Variants in DDX46 observed in about 807,000 individuals in gnomAD.
The protein encoded by DDX46 is probable ATP-dependent RNA helicase DDX46.
A neutral mutation model predicts 134.9 loss-of-function variants in DDX46; 30 were observed. That is an observed-to-expected ratio of 0.22 (90% CI 0.17 to 0.30). The LOEUF is 0.30. Among genes scored for constraint, DDX46 ranks in the 10% least tolerant of loss-of-function variants. DDX46 has a pLI of 1.00. For synonymous variants in DDX46, 415 were observed against 404.1 expected (o/e 1.03, Z -0.32); for missense variants, 622 against 1,248.7 (o/e 0.50, Z 7.56).
At chr5:134,771,052 C>CT in intron 4 of DDX46, 53 bp downstream of exon 4, 3 of 705,154 alleles carry the variant, frequency 4.3e-6, no homozygotes, top group Admixed American at 3.1e-5. Context: ...GTCTTTCTTT[C>CT]TTTCTTTTCT....
intron 16 of DDX46, among the ~76,000 whole-genome samples, chr5:134,809,916 G>A (rs1317877522): frequency 6.6e-6 from 1 of 152,132 alleles, no homozygotes; most frequent in Non-Finnish European, 1.5e-5. Context: ...GGGAGGCTGA[G>A]GCAGGAGAAT....
chr5:134,785,562 C>T lies in DDX46; in HGVS notation c.1440C>T (p.Tyr480=), dbSNP rs141820419. The change falls in exon 11 of 23, where the codon TAC becomes TAT. Residue 480 remains tyrosine, a synonymous_variant. Coordinates refer to ENST00000452510, the MANE Select transcript of DDX46 (RefSeq NM_001300860.2). ...KTLGLRVVCV[Y]GGTGISEQIA... is the part of the protein sequence containing the mutation. ...TGGGACTTAGAGTGGTCTGTGTTTACGGAGGAACAGGAATCAGTGAGCAGG... is the reference window on the plus strand; with the variant it reads ...TGGGACTTAGAGTGGTCTGTGTTTATGGAGGAACAGGAATCAGTGAGCAGG... 9.4e-5 allele frequency: 151 copies of T among 1,611,250 alleles called. No individual in the cohort carries two copies. The highest frequency in any genetic ancestry group is 2.0e-5 in the Non-Finnish European group (23 of 1,178,766).
chr5:134,765,321 G>T (rs1455338537), intron 2 of DDX46, among the ~76,000 whole-genome samples: 3 of 149,216 alleles, frequency 2.0e-5, no homozygotes, highest in Non-Finnish European at 4.4e-5. Flanking sequence ...CAAGGTGGGT[G>T]AATCACGAGG....
intron 1 of DDX46, 141 bp from the exon 2 acceptor site, chr5:134,763,763 C>T: frequency 6.1e-6 from 6 of 982,336 alleles, no homozygotes; most frequent in African/African-American, 3.3e-5. Flanking sequence ...TTCATTTTTT[C>T]CCTCCTAATT....
intron 11 of DDX46, among the ~76,000 whole-genome samples, chr5:134,787,866 G>C (rs1056214817): frequency 6.7e-6 from 1 of 150,084 alleles, no homozygotes; most frequent in East Asian, 2.0e-4. Context: ...ATAAATTAGC[G>C]AGTGCCTGTA....
At chr5:134,785,317 C>G (rs1185572216) in intron 10 of DDX46, 148 bp from the exon 11 acceptor site, 1 of 929,462 alleles carries the variant, frequency 1.1e-6, no homozygotes, top group African/African-American at 1.7e-5. Flanking sequence ...TGCTGTTATA[C>G]AACTTTTGAA....
chr5:134,772,333 C>T (rs188228610), intron 4 of DDX46, among the ~76,000 whole-genome samples: 139 of 152,148 alleles, frequency 9.1e-4, no homozygotes, highest in African/African-American at 3.3e-3. Context: ...ATCATCTTGG[C>T]CACCATGGTG....
Position 134,796,073 on chromosome 5 carries a change from T to C in DDX46, c.1877T>C (p.Val626Ala). 3.1e-6 allele frequency: 5 copies of C among 1,613,926 alleles called. No individual in the cohort carries two copies. The highest frequency in any genetic ancestry group is 4.2e-6 in the Non-Finnish European group (5 of 1,179,952). Reference protein sequence around the residue: ...YQESGSVIIFVDKQEHADGLL... With the variant: ...YQESGSVIIFADKQEHADGLL... ...GAGTCAGGATCTGTCATTATATTTG[T>C]GGATAAGCAGGAACATGCTGATGGT... Residue 626 changes from valine (V) to alanine (A), a missense_variant, in exon 15 of 23, where the codon GTG becomes GCG. This residue lies in a region of DDX46 where 209 missense variants were observed against 508.4 expected (regional missense o/e 0.41). Coordinates refer to ENST00000452510, the MANE Select transcript of DDX46 (RefSeq NM_001300860.2).
chr5:134,831,044 CTT>C lies in DDX46; in HGVS notation c.*2340_*2341del, dbSNP rs980717823. ...TTTTAAAATTTGAATGATATATAGA[CTT>C]TGTTTTTTTAATGCAATATGAATAT... On this transcript the variant is annotated 3_prime_UTR_variant, in exon 23 of 23. Transcript: ENST00000452510. 2.0e-5 allele frequency: 3 copies of C among 152,252 alleles called. No homozygotes were observed. The highest frequency in any genetic ancestry group is 1.9e-4 in the East Asian group (1 of 5,194). The allele number at this position is 152,252 out of a possible 1,614,324, so 9.4% of individuals were successfully genotyped here. A position where few individuals can be genotyped will look rare whatever the true frequency, so the allele number is the denominator to read the frequency against.
chr5:134,765,196 G>A (rs375399147), intron 2 of DDX46, among the ~76,000 whole-genome samples: 3 of 151,142 alleles, frequency 2.0e-5, no homozygotes, highest in Admixed American at 6.6e-5. Flanking sequence ...AGCCTCTTGA[G>A]TAACTGGGAT....
chr5:134,800,818 G>C (rs367596813), intron 15 of DDX46, among the ~76,000 whole-genome samples: 1 of 152,062 alleles, frequency 6.6e-6, no homozygotes, highest in Non-Finnish European at 1.5e-5. Flanking sequence ...TGGGATTACC[G>C]GCATGTGCCA....
chr5:134,804,986 C>T (rs531167050), intron 15 of DDX46: 1 of 379,444 alleles, frequency 2.6e-6, no homozygotes, highest in Non-Finnish European at 5.2e-6. Context: ...TGCATGGGCA[C>T]ATGCCACCTG....
At position 134,758,843 on chromosome 5, in the gene DDX46, G is replaced by T; in HGVS notation, c.-96G>T. 1 of 1,588,944 alleles carries T rather than the reference G, an allele frequency of 6.3e-7. No homozygotes were observed. The highest frequency in any genetic ancestry group is 1.7e-5 in the Admixed American group (1 of 59,750). ...TAGGTGCTGCTAGTGTTTAGCGCTG[G>T]TCTTTGCCGGGCGTTGAGGGCAGCT... On this transcript the variant is annotated 5_prime_UTR_variant, in exon 1 of 23. Coordinates refer to ENST00000452510, the MANE Select transcript of DDX46 (RefSeq NM_001300860.2).
At chr5:134,784,283 C>T (rs2150142480) in intron 9 of DDX46, 83 bp from the exon 10 acceptor site, 1 of 1,439,222 alleles carries the variant, frequency 6.9e-7, no homozygotes, top group Non-Finnish European at 9.3e-7. Context: ...TTTGGAAGTT[C>T]ATTTTTATGG....
At chr5:134,781,009 G>T in intron 6 of DDX46, 124 bp from the exon 7 acceptor site, 1 of 621,256 alleles carries the variant, frequency 1.6e-6, no homozygotes. Flanking sequence ...GGGTGACTGA[G>T]ACCATGTCAC....
At chr5:134,787,666 A>G (rs1048716164) in intron 11 of DDX46, among the ~76,000 whole-genome samples, 43 of 152,184 alleles carry the variant, frequency 2.8e-4, no homozygotes, top group Non-Finnish European at 5.4e-4. Context: ...CAAAAGTTTT[A>G]TGATGTTAAG....
intron 18 of DDX46, among the ~76,000 whole-genome samples, chr5:134,812,974 G>A (rs988780585): frequency 6.6e-6 from 1 of 150,542 alleles, no homozygotes; most frequent in Admixed American, 6.6e-5. Context: ...ACGGAGTCTC[G>A]CTCTGTCACC....
At chr5:134,788,025 CAAA>C (rs576416864) in intron 11 of DDX46, among the ~76,000 whole-genome samples, 15 of 53,322 alleles carry the variant, frequency 2.8e-4, no homozygotes, top group South Asian at 6.9e-4. Flanking sequence ...GACCCTGTCT[CAAA>C]AAAAAAAAAA....
intron 18 of DDX46, among the ~76,000 whole-genome samples, chr5:134,814,118 A>G (rs1755223012): frequency 6.6e-6 from 1 of 152,256 alleles, no homozygotes. Flanking sequence ...GACCACATTC[A>G]TATAACTTTT....
Sources: allele counts gnomAD v4.1 joint callset (sites outside exome capture counted in the v4.1 genomes callset), GRCh38; gene constraint gnomAD v4.1.1; regional missense constraint gnomAD v4.1.1; transcripts MANE v1.5; gene names NCBI Gene and HGNC (gene_info 2026-07-23, HGNC 2026-07-21).